Variants in MCTP1 observed in about 807,000 individuals in gnomAD.
The protein encoded by MCTP1 is multiple C2 and transmembrane domain containing 1.
MCTP1 carries 69 observed loss-of-function variants against 120.6 expected under a neutral mutation model. The observed-to-expected ratio is 0.57, with a 90% CI of 0.47 to 0.70. The LOEUF is 0.70. Among genes scored for constraint, MCTP1 ranks in the 30% least tolerant of loss-of-function variants. The pLI is 0.00. For missense variants in MCTP1, 1,203 were observed against 1,248.8 expected, an observed-to-expected ratio of 0.96 and a Z score of 0.55; for synonymous variants, 529 against 493.1, an observed-to-expected ratio of 1.07 and a Z score of -0.96.
chr5:95,219,646 G>A (rs1307402258), intron 1 of MCTP1, among the ~76,000 whole-genome samples: 1 of 152,094 alleles, frequency 6.6e-6, no homozygotes, highest in East Asian at 1.9e-4. Flanking sequence ...GCCATCCCCA[G>A]GAGACACAGC....
intron 17 of MCTP1, among the ~76,000 whole-genome samples, chr5:94,817,159 C>T (rs1784623630): frequency 6.6e-6 from 1 of 152,232 alleles, no homozygotes; most frequent in South Asian, 2.1e-4. Flanking sequence ...AATCCCAGCA[C>T]TTTGGGAGGC....
intron 18 of MCTP1, among the ~76,000 whole-genome samples, chr5:94,798,731 T>C (rs566403714): frequency 1.8e-3 from 270 of 152,252 alleles, no homozygotes; most frequent in African/African-American, 6.3e-3. Flanking sequence ...ATAAAGCAAT[T>C]ATTTGAAGTA....
chr5:95,098,631 C>G (rs997448891), intron 1 of MCTP1, among the ~76,000 whole-genome samples: 2 of 151,700 alleles, frequency 1.3e-5, no homozygotes, highest in African/African-American at 4.8e-5. Context: ...AGGATACAAA[C>G]AAATGGAAGA....
intron 10 of MCTP1, among the ~76,000 whole-genome samples, chr5:94,908,985 C>T (rs115842796): frequency 0.019 from 2,848 of 151,998 alleles, 87 homozygotes; most frequent in African/African-American, 0.065. Context: ...AGATGAAATT[C>T]CTCTTTCTCA....
intron 1 of MCTP1, among the ~76,000 whole-genome samples, chr5:95,133,126 C>A (rs981469545): frequency 6.6e-6 from 1 of 152,124 alleles, no homozygotes; most frequent in Non-Finnish European, 1.5e-5. Flanking sequence ...CATTCTTAAG[C>A]TTTTTATGGG....
intron 1 of MCTP1, among the ~76,000 whole-genome samples, chr5:95,035,312 A>G (rs1464312192): frequency 6.6e-6 from 1 of 152,124 alleles, no homozygotes; most frequent in Admixed American, 6.6e-5. Flanking sequence ...AAGGCATGGA[A>G]TCAACCTAAG....
intron 1 of MCTP1, among the ~76,000 whole-genome samples, chr5:95,019,961 T>C (rs941686536): frequency 6.6e-6 from 1 of 152,104 alleles, no homozygotes; most frequent in African/African-American, 2.4e-5. Flanking sequence ...GCAAACTTTG[T>C]TGAGGTCCAA....
At chr5:94,832,812 G>A (rs187018513) in intron 17 of MCTP1, among the ~76,000 whole-genome samples, 168 of 152,322 alleles carry the variant, frequency 1.1e-3, no homozygotes, top group Non-Finnish European at 2.1e-3. Context: ...TTCATTGGGA[G>A]CCTAAGGGCA....
chr5:94,941,671 C>G (rs1473012416), intron 4 of MCTP1, among the ~76,000 whole-genome samples: 2 of 151,960 alleles, frequency 1.3e-5, no homozygotes, highest in Non-Finnish European at 2.9e-5. Flanking sequence ...CATGCATGAT[C>G]TTTTCTAATG....
chr5:94,926,492 G>A (rs1172086898), intron 6 of MCTP1, among the ~76,000 whole-genome samples: 1 of 152,088 alleles, frequency 6.6e-6, no homozygotes, highest in African/African-American at 2.4e-5. Context: ...TAACAATAAA[G>A]ATGCCTCATG....
intron 19 of MCTP1, 44 bp downstream of exon 19, chr5:94,779,066 A>C (rs371534952): frequency 2.6e-6 from 4 of 1,540,928 alleles, no homozygotes; most frequent in South Asian, 1.1e-5. Flanking sequence ...TCATGTCTAC[A>C]TTTCCCCATC....
At chr5:94,818,940 G>C (rs545329643) in intron 17 of MCTP1, among the ~76,000 whole-genome samples, 25 of 152,298 alleles carry the variant, frequency 1.6e-4, no homozygotes, top group Admixed American at 3.3e-4. Context: ...TTAGGTCTTA[G>C]AATTTAGAAC....
intron 8 of MCTP1, among the ~76,000 whole-genome samples, chr5:94,913,923 G>A (rs534196357): frequency 2.0e-5 from 3 of 152,134 alleles, no homozygotes; most frequent in South Asian, 2.1e-4. Context: ...TGACCAGGCT[G>A]GAGTGCAGTG....
intron 19 of MCTP1, among the ~76,000 whole-genome samples, chr5:94,716,438 TAG>T (rs1759392374): frequency 6.6e-6 from 1 of 152,094 alleles, no homozygotes; most frequent in Non-Finnish European, 1.5e-5. Flanking sequence ...TTGTGCACGT[TAG>T]AGTAAAATGA....
At chr5:94,737,635 G>A (rs1031498167) in intron 19 of MCTP1, among the ~76,000 whole-genome samples, 7 of 152,092 alleles carry the variant, frequency 4.6e-5, no homozygotes, top group African/African-American at 1.7e-4. Flanking sequence ...AGTTACATAA[G>A]TTATCAACTC....
chr5:95,166,567 CA>C (rs1463269097), intron 1 of MCTP1, among the ~76,000 whole-genome samples: 37 of 117,540 alleles, frequency 3.1e-4, no homozygotes, highest in Non-Finnish European at 5.4e-4. Flanking sequence ...TAATTTTAAT[CA>C]TTTTTTTTTT....
At chr5:94,716,575 CATAAAT>C (rs1485076553) in intron 19 of MCTP1, among the ~76,000 whole-genome samples, 1 of 152,076 alleles carries the variant, frequency 6.6e-6, no homozygotes, top group Non-Finnish European at 1.5e-5. Context: ...GCAAAGTACT[CATAAAT>C]ATTTAACCAC....
intron 1 of MCTP1, among the ~76,000 whole-genome samples, chr5:95,206,614 A>C (rs969992303): frequency 5.3e-5 from 8 of 152,054 alleles, no homozygotes; most frequent in Non-Finnish European, 1.0e-4. Flanking sequence ...GGCTCACTAC[A>C]ACTTCCGCCT....
At chr5:94,864,469 A>AT (rs1433626486) in intron 17 of MCTP1, among the ~76,000 whole-genome samples, 1 of 151,830 alleles carries the variant, frequency 6.6e-6, no homozygotes, top group Non-Finnish European at 1.5e-5. Context: ...GCACTCTGAC[A>AT]TTTTTGTCTG....
Sources: gnomAD v4.1 joint callset for allele counts (sites outside exome capture counted in the v4.1 genomes callset) on GRCh38, gnomAD v4.1.1 for gene constraint, MANE v1.5 for transcripts, NCBI Gene and HGNC (gene_info 2026-07-23, HGNC 2026-07-21) for gene names.